FAM13A: variants seen among roughly 807,000 people sequenced by gnomAD.
The protein encoded by FAM13A is protein FAM13A.
Under a neutral mutation model 129.6 loss-of-function variants are expected in FAM13A, and 76 were observed. The observed-to-expected ratio is 0.59, with a 90% CI of 0.49 to 0.71. The LOEUF is 0.71. FAM13A is among the 30% of genes least tolerant of loss of function. FAM13A has a pLI of 0.00. For missense variants in FAM13A, 1,108 were observed against 1,249.3 expected (o/e 0.89, Z 1.70); for synonymous variants, 443 against 449.9 (o/e 0.98, Z 0.20).
At chr4:88,859,457 T>C (rs1233937339) in intron 6 of FAM13A, among the ~76,000 whole-genome samples, 1 of 151,988 alleles carries the variant, frequency 6.6e-6, no homozygotes, top group East Asian at 1.9e-4. Flanking sequence ...AGGCAGGTGG[T>C]GGAGGGATAT....
At chr4:89,041,612 C>T (rs1357760896) in intron 1 of FAM13A, among the ~76,000 whole-genome samples, 1 of 152,018 alleles carries the variant, frequency 6.6e-6, no homozygotes, top group Non-Finnish European at 1.5e-5. Flanking sequence ...TTTGTGGTGA[C>T]CAATTCTTTA....
intron 1 of FAM13A, among the ~76,000 whole-genome samples, chr4:89,047,089 TA>T (rs1355867658): frequency 2.0e-5 from 3 of 152,112 alleles, no homozygotes; most frequent in African/African-American, 2.4e-5. Context: ...GAAGGGCAAG[TA>T]ACAGTGAGCA....
rs923248064 is a variant in FAM13A, at chr4:88,787,888, A to G, written c.1136T>C (p.Phe379Ser). 4 of 1,613,272 alleles carry G rather than the reference A, an allele frequency of 2.5e-6. No individual in the cohort carries two copies. Among genetic ancestry groups the G allele is most frequent in the South Asian group, 2.2e-5 (2 of 91,058 alleles). The change falls in exon 10 of 24, where the codon TTT becomes TCT. Residue 379 changes from phenylalanine (F) to serine (S), a missense_variant. By Grantham distance (155) the Phe-to-Ser change is radical. Coordinates refer to ENST00000264344, the MANE Select transcript of FAM13A (RefSeq NM_014883.4). ...TTGACCTCCAGAGTTATTAACATCA[A>G]AAAGATGTTGTTCTACAGCTGATCG... is the stretch of plus-strand genomic sequence containing the variant. ...TIRSAVEQHL[F>S]DVNNSGGQSS...
intron 6 of FAM13A, among the ~76,000 whole-genome samples, chr4:88,875,969 G>T (rs906410160): frequency 8.5e-5 from 13 of 152,118 alleles, no homozygotes; most frequent in Admixed American, 7.2e-4. Context: ...CCACAAAAAA[G>T]GATGAATTCA....
intron 7 of FAM13A, among the ~76,000 whole-genome samples, chr4:88,809,946 G>A (rs1443911869): frequency 4.0e-5 from 6 of 151,664 alleles, no homozygotes; most frequent in African/African-American, 7.3e-5. Flanking sequence ...AATTTGTTGC[G>A]GGTGGGGGAT....
chr4:89,052,040 T>C (rs1771656940), intron 1 of FAM13A, among the ~76,000 whole-genome samples: 1 of 152,084 alleles, frequency 6.6e-6, no homozygotes, highest in Non-Finnish European at 1.5e-5. Flanking sequence ...CCTTGAAATC[T>C]ATGTAGAGGC....
At chr4:88,904,403 G>A (rs923455049) in intron 6 of FAM13A, among the ~76,000 whole-genome samples, 6 of 152,108 alleles carry the variant, frequency 3.9e-5, no homozygotes, top group Admixed American at 3.3e-4. Context: ...TAAAGAAAAT[G>A]TGGTACACAT....
chr4:88,750,101 A>G (rs1742254448), intron 15 of FAM13A, among the ~76,000 whole-genome samples, 192 bp from the exon 16 acceptor site: 1 of 152,216 alleles, frequency 6.6e-6, no homozygotes, highest in African/African-American at 2.4e-5. Flanking sequence ...CCACCTATTA[A>G]GTACATCTAG....
At chr4:88,882,191 A>G (rs1217183460) in intron 6 of FAM13A, among the ~76,000 whole-genome samples, 1 of 152,178 alleles carries the variant, frequency 6.6e-6, no homozygotes, top group African/African-American at 2.4e-5. Context: ...AAGGTAATCT[A>G]AAGTCAGGAT....
intron 6 of FAM13A, among the ~76,000 whole-genome samples, chr4:88,899,714 T>TAG (rs1746954482): frequency 6.6e-6 from 1 of 152,004 alleles, no homozygotes. Flanking sequence ...CTCAAAAAGC[T>TAG]AGAGTGTCTC....
At chr4:88,801,205 A>G (rs1325133235) in intron 8 of FAM13A, among the ~76,000 whole-genome samples, 1 of 152,234 alleles carries the variant, frequency 6.6e-6, no homozygotes, top group Admixed American at 6.5e-5. Context: ...ATCAAGTAAT[A>G]TTTTAATTTG....
At chr4:88,814,592 A>T (rs1420326505) in intron 7 of FAM13A, among the ~76,000 whole-genome samples, 2 of 152,182 alleles carry the variant, frequency 1.3e-5, no homozygotes, top group Non-Finnish European at 2.9e-5. Flanking sequence ...AAAATAAAAC[A>T]CAGGGTATCA....
intron 11 of FAM13A, 116 bp from the exon 12 acceptor site, chr4:88,768,175 T>C (rs1325778890): frequency 3.6e-6 from 2 of 560,344 alleles, no homozygotes; most frequent in Non-Finnish European, 3.2e-6. Context: ...CTAATTCTAG[T>C]CCTCATATTT....
chr4:88,929,793 A>G (rs920977029), intron 5 of FAM13A, among the ~76,000 whole-genome samples: 1 of 152,180 alleles, frequency 6.6e-6, no homozygotes, highest in African/African-American at 2.4e-5. Flanking sequence ...GCTGGAACAC[A>G]GTGGTGCAAA....
chr4:88,796,513 G>A (rs1249957906), intron 8 of FAM13A, among the ~76,000 whole-genome samples: 1 of 151,924 alleles, frequency 6.6e-6, no homozygotes, highest in African/African-American at 2.4e-5. Context: ...TATCTATCCT[G>A]TAAATTTTGT....
intron 4 of FAM13A, among the ~76,000 whole-genome samples, chr4:88,980,029 A>G (rs531468835): frequency 3.3e-5 from 5 of 152,310 alleles, no homozygotes; most frequent in Non-Finnish European, 7.3e-5. Flanking sequence ...GCTTAAATAA[A>G]TTGTATTGCT....
intron 5 of FAM13A, among the ~76,000 whole-genome samples, chr4:88,912,604 C>T (rs1390212222): frequency 6.8e-6 from 1 of 147,254 alleles, no homozygotes; most frequent in Non-Finnish European, 1.5e-5. Flanking sequence ...CACACACACA[C>T]CTCCTATTGG....
intron 4 of FAM13A, among the ~76,000 whole-genome samples, chr4:88,941,058 G>T (rs1356931345): frequency 3.3e-5 from 5 of 152,164 alleles, no homozygotes; most frequent in Non-Finnish European, 7.3e-5. Flanking sequence ...TCATGACTTA[G>T]AGGGCAGAAC....
chr4:88,979,192 AATAAT>A (rs2148979161), intron 4 of FAM13A, among the ~76,000 whole-genome samples: 1 of 152,366 alleles, frequency 6.6e-6, no homozygotes, highest in Admixed American at 6.5e-5. Flanking sequence ...TATTAAAAAT[AATAAT>A]ATGAGTACTA....
Sources: allele counts gnomAD v4.1 joint callset (sites outside exome capture counted in the v4.1 genomes callset), GRCh38; gene constraint gnomAD v4.1.1; transcripts MANE v1.5; gene names NCBI Gene and HGNC (gene_info 2026-07-23, HGNC 2026-07-21).